ALK: variants seen among roughly 807,000 people sequenced by gnomAD.
ALK encodes ALK tyrosine kinase receptor.
In ALK, 74 loss-of-function variants were observed where a neutral mutation model predicts 163.1. That is an observed-to-expected ratio of 0.45 (90% CI 0.38 to 0.55). ALK has a LOEUF of 0.55. Among genes scored for constraint, ALK ranks in the 20% least tolerant of loss-of-function variants. ALK has a pLI of 0.00. For missense variants in ALK, 2,063 were observed against 2,105.3 expected (o/e 0.98, Z 0.39); for synonymous variants, 960 against 843.2 (o/e 1.14, Z -2.40).
intron 3 of ALK, among the ~76,000 whole-genome samples, chr2:29,651,704 G>A (rs189253736): frequency 4.1e-4 from 62 of 152,276 alleles, no homozygotes; most frequent in Non-Finnish European, 7.5e-4. Flanking sequence ...CAACTTGAGA[G>A]TCGTTCTCAG....
chr2:29,576,669 C>T (rs1573469952), intron 3 of ALK, among the ~76,000 whole-genome samples: 3 of 152,164 alleles, frequency 2.0e-5, no homozygotes, highest in Admixed American at 6.5e-5. Flanking sequence ...GGTGAGTGAG[C>T]GAAGCTACAT....
chr2:29,236,135 C>G lies in ALK; in HGVS notation c.2356-2439G>C, dbSNP rs570093600. On this transcript the variant is annotated intron_variant, in intron 13 of 28. Coordinates refer to ENST00000389048, the MANE Select transcript of ALK (RefSeq NM_004304.5). ...GGGATTACGGGCATGAGCCATCACA[C>G]CCTGCTCAGTCTGGGTTCTTGACAG... 2.6e-5 allele frequency among the ~76,000 whole-genome samples: 4 copies of G among 152,094 alleles called. No individual in the cohort carries two copies. The South Asian group carries it at 8.3e-4, about 32-fold the overall frequency.
intron 1 of ALK, among the ~76,000 whole-genome samples, chr2:29,760,560 G>T (rs1680672471): frequency 6.6e-6 from 1 of 152,108 alleles, no homozygotes; most frequent in African/African-American, 2.4e-5. Context: ...GCATTTCCAT[G>T]TCAAAATGGA....
At chr2:29,397,777 CT>C (rs1669345818) in intron 4 of ALK, among the ~76,000 whole-genome samples, 1 of 152,152 alleles carries the variant, frequency 6.6e-6, no homozygotes, top group Non-Finnish European at 1.5e-5. Context: ...AGGGAGGCCC[CT>C]CTGTAGAATG....
chr2:29,890,974 C>T (rs1439427461), intron 1 of ALK: 1 of 152,200 alleles, frequency 6.6e-6, no homozygotes, highest in Non-Finnish European at 1.5e-5. Flanking sequence ...CTGTTCCTGG[C>T]TGTATGACTG....
intron 9 of ALK, among the ~76,000 whole-genome samples, chr2:29,279,392 G>T (rs1442187276): frequency 6.6e-6 from 1 of 152,164 alleles, no homozygotes; most frequent in Non-Finnish European, 1.5e-5. Context: ...CTCCCCCATG[G>T]CTCCAGCCCC....
intron 15 of ALK, among the ~76,000 whole-genome samples, chr2:29,229,370 G>T (rs1051001971): frequency 2.6e-5 from 4 of 152,190 alleles, no homozygotes; most frequent in Non-Finnish European, 5.9e-5. Flanking sequence ...AGGATGGGGG[G>T]ACGTGGGCAG....
chr2:29,704,344 G>A (rs1246950896), intron 2 of ALK, among the ~76,000 whole-genome samples: 2 of 152,158 alleles, frequency 1.3e-5, no homozygotes, highest in South Asian at 2.1e-4. Flanking sequence ...CCAAATGTAG[G>A]CCTTCAGAGT....
At chr2:29,422,080 G>A (rs1387915735) in intron 4 of ALK, among the ~76,000 whole-genome samples, 2 of 151,450 alleles carry the variant, frequency 1.3e-5, no homozygotes, top group African/African-American at 4.9e-5. Context: ...CTTTTTCCAC[G>A]AGGGGAGGCA....
At chr2:29,429,892 T>C (rs954007933) in intron 4 of ALK, among the ~76,000 whole-genome samples, 5 of 152,198 alleles carry the variant, frequency 3.3e-5, no homozygotes, top group African/African-American at 7.2e-5. Flanking sequence ...ATCCATGAAA[T>C]AGAATTGAAA....
At chr2:29,763,086 CAAA>C (rs1034835014) in intron 1 of ALK, among the ~76,000 whole-genome samples, 2 of 53,112 alleles carry the variant, frequency 3.8e-5, no homozygotes, top group Admixed American at 2.0e-4. Flanking sequence ...GACTCCATCT[CAAA>C]AAAAAAAAAA....
chr2:29,383,692 A>G (rs760989500), intron 5 of ALK, 40 bp downstream of exon 5: 3 of 1,613,468 alleles, frequency 1.9e-6, no homozygotes, highest in Non-Finnish European at 2.5e-6. Context: ...ATCTAACACA[A>G]TAGGCTACCA....
At chr2:29,896,791 T>C (rs995654142) in intron 1 of ALK, among the ~76,000 whole-genome samples, 10 of 152,164 alleles carry the variant, frequency 6.6e-5, no homozygotes, top group South Asian at 4.1e-4. Context: ...CATGATCCCA[T>C]TGGACAGTAA....
intron 3 of ALK, among the ~76,000 whole-genome samples, chr2:29,632,981 A>T (rs1464891107): frequency 6.6e-6 from 1 of 152,240 alleles, no homozygotes; most frequent in Non-Finnish European, 1.5e-5. Flanking sequence ...TTATGGGAGT[A>T]CAATTCAAGA....
Position 29,383,827 on chromosome 2 carries a change from G to A in ALK, c.1187C>T (p.Pro396Leu), listed in dbSNP as rs2148301717. 6.2e-7 allele frequency: 1 copy of A among 1,614,134 alleles called. No individual in the cohort carries two copies. Among genetic ancestry groups the A allele is most frequent in the Non-Finnish European group, 8.5e-7 (1 of 1,179,984 alleles). ...CAGGGCCACTCGAAATGGGTTGTCT[G>A]GACGCCCGATTCTTCCCTGGAGCAC... ...WTVLQGRIGR[P>L]DNPFRVALEY... Residue 396 changes from proline to leucine, a missense_variant, in exon 5 of 29, where the codon CCA (proline) becomes CTA (leucine). Transcript: ENST00000389048.
chr2:29,760,407 T>G (rs1308825188), intron 1 of ALK, among the ~76,000 whole-genome samples: 2 of 152,238 alleles, frequency 1.3e-5, no homozygotes, highest in Non-Finnish European at 2.9e-5. Flanking sequence ...TATAGAGTGA[T>G]AATGAAGTGA....
chr2:29,270,194 C>A (rs1010906282), intron 11 of ALK, among the ~76,000 whole-genome samples: 1 of 152,240 alleles, frequency 6.6e-6, no homozygotes, highest in African/African-American at 2.4e-5. Flanking sequence ...TAAAAGATTT[C>A]TTTATCACAA....
chr2:29,290,023 C>T (rs1665978028), intron 9 of ALK, among the ~76,000 whole-genome samples: 1 of 152,184 alleles, frequency 6.6e-6, no homozygotes, highest in Admixed American at 6.5e-5. Flanking sequence ...TCTGGGTGTG[C>T]CCATCACCTG....
intron 4 of ALK, among the ~76,000 whole-genome samples, chr2:29,425,702 T>C (rs1289890863): frequency 2.6e-5 from 4 of 152,224 alleles, no homozygotes; most frequent in African/African-American, 9.6e-5. Flanking sequence ...TCAGAGATTT[T>C]GCCCAGGGAG....
Sources: gnomAD v4.1 joint callset for allele counts (sites outside exome capture counted in the v4.1 genomes callset) on GRCh38, gnomAD v4.1.1 for gene constraint, MANE v1.5 for transcripts, NCBI Gene and HGNC (gene_info 2026-07-23, HGNC 2026-07-21) for gene names.